Variants in ABCC9 observed in about 807,000 individuals in gnomAD.
The protein encoded by ABCC9 is ATP binding cassette subfamily C member 9, also known as ATP-binding cassette sub-family C member 9.
A neutral mutation model predicts 188.3 loss-of-function variants in ABCC9; 95 were observed. That is an observed-to-expected ratio of 0.50 (90% CI 0.43 to 0.60). The LOEUF is 0.60. Ranked by LOEUF, ABCC9 falls within the 20% of genes least tolerant of loss-of-function variation. The pLI, the probability that ABCC9 is intolerant of heterozygous loss-of-function variation, is 0.00. For missense variants in ABCC9, 1,102 were observed against 1,876.3 expected (o/e 0.59, Z 7.62); for synonymous variants, 659 against 652.7 (o/e 1.01, Z -0.15).
In ABCC9 at chr12:21,797,763, A is replaced by G. The variant is rs879795845; in HGVS notation, c.*3281T>C. On this transcript the variant is annotated 3_prime_UTR_variant, in exon 40 of 40. Coordinates refer to ENST00000261200, the MANE Select transcript of ABCC9 (RefSeq NM_020297.4). ...GTAAGAGTACAAAAATAGATGGTGC[A>G]TAATTGTTTATACAAAGTCTTTTCC... 2 of 152,224 alleles carry G rather than the reference A, an allele frequency of 1.3e-5. No individual in the cohort carries two copies. The highest frequency in any genetic ancestry group is 2.9e-5 in the Non-Finnish European group (2 of 68,038). The allele number at this position is 152,224 out of a possible 1,614,324, so 9.4% of individuals were successfully genotyped here. A position where few individuals can be genotyped will look rare whatever the true frequency, so the allele number is the denominator to read the frequency against.
At chr12:21,892,786 C>T (rs1333002824) in intron 14 of ABCC9, among the ~76,000 whole-genome samples, 1 of 152,122 alleles carries the variant, frequency 6.6e-6, no homozygotes, top group East Asian at 1.9e-4. Flanking sequence ...AAACTATTGG[C>T]TTAAAACTGA....
At chr12:21,923,674 T>A (rs149496042) in intron 5 of ABCC9, 3 of 584,730 alleles carry the variant, frequency 5.1e-6, no homozygotes, top group Non-Finnish European at 9.1e-6. Flanking sequence ...TGTTAGTGAG[T>A]ATAAAAAATG....
chr12:21,937,381 G>A (rs945503780), intron 2 of ABCC9, among the ~76,000 whole-genome samples: 4 of 152,148 alleles, frequency 2.6e-5, no homozygotes, highest in Non-Finnish European at 5.9e-5. Flanking sequence ...TCTTTTAACT[G>A]GAAATTGGTA....
chr12:21,866,849 G>A (rs570247592), intron 18 of ABCC9, among the ~76,000 whole-genome samples: 3 of 152,156 alleles, frequency 2.0e-5, no homozygotes, highest in Non-Finnish European at 4.4e-5. Context: ...GGTTAAGTGT[G>A]GGTGGACTAG....
intron 32 of ABCC9, 127 bp downstream of exon 32, chr12:21,818,023 C>CCCAA: frequency 1.4e-6 from 1 of 718,808 alleles, no homozygotes; most frequent in South Asian, 1.4e-5. Flanking sequence ...CCCCACCCCC[C>CCCAA]AATAGGCCCT....
At chr12:21,862,328 T>C (rs1000540498) in intron 20 of ABCC9, among the ~76,000 whole-genome samples, 2 of 152,154 alleles carry the variant, frequency 1.3e-5, no homozygotes, top group Non-Finnish European at 2.9e-5. Flanking sequence ...TCTTTCTGTC[T>C]GGTTTGCTCC....
At position 21,807,339 on chromosome 12, in the gene ABCC9, C is replaced by A; in HGVS notation, c.4449+7G>T. On this transcript the variant is annotated splice_region_variant and intron_variant, in intron 38 of 39. Transcript: ENST00000261200. ...GTCAATTTTAAAAGCTTAGATAATG[C>A]ACTCACTGTGGCCATGTCAATGGAA... The A allele has an allele frequency of 6.2e-7, 1 of 1,613,802 alleles. No homozygotes were observed.
intron 3 of ABCC9, 32 bp from the exon 4 acceptor site, chr12:21,933,955 G>A (rs769394463): frequency 6.2e-7 from 1 of 1,612,516 alleles, no homozygotes; most frequent in Non-Finnish European, 8.5e-7. Context: ...AAAACAAAAA[G>A]ACATAAACCG....
At chr12:21,824,001 T>C (rs829074) in intron 31 of ABCC9, among the ~76,000 whole-genome samples, 39,572 of 152,104 alleles carry the variant, frequency 0.26, 5,544 homozygotes, top group Middle Eastern at 0.35. Flanking sequence ...ATGAATATGA[T>C]ATGAATATGG....
intron 31 of ABCC9, among the ~76,000 whole-genome samples, chr12:21,821,550 G>C (rs1476645293): frequency 6.6e-6 from 1 of 151,484 alleles, no homozygotes; most frequent in African/African-American, 2.4e-5. Flanking sequence ...AAAATCACTG[G>C]GTCTAAATAA....
chr12:21,895,758 T>C (rs1161919021), intron 12 of ABCC9, among the ~76,000 whole-genome samples: 1 of 152,204 alleles, frequency 6.6e-6, no homozygotes, highest in Non-Finnish European at 1.5e-5. Flanking sequence ...TCCAGCAGTG[T>C]TATTAATATT....
chr12:21,805,384 T>G (rs542488003), intron 39 of ABCC9: 1 of 1,470,028 alleles, frequency 6.8e-7, no homozygotes, highest in Admixed American at 1.8e-5. Context: ...AAAAATAGTT[T>G]TTATTAAGCA....
chr12:21,921,776 G>T (rs1444377605), intron 5 of ABCC9, among the ~76,000 whole-genome samples: 1 of 151,850 alleles, frequency 6.6e-6, no homozygotes, highest in Non-Finnish European at 1.5e-5. Context: ...GTCTAGTTTT[G>T]TTCTTCTGCA....
intron 33 of ABCC9, among the ~76,000 whole-genome samples, chr12:21,816,882 C>T (rs539911874): frequency 2.2e-4 from 34 of 152,212 alleles, no homozygotes; most frequent in South Asian, 2.1e-3. Context: ...AAGTTAATAA[C>T]GTCTTGAGAA....
At chr12:21,904,475 A>T (rs1321186371) in intron 12 of ABCC9, among the ~76,000 whole-genome samples, 1 of 152,200 alleles carries the variant, frequency 6.6e-6, no homozygotes. Flanking sequence ...AGAAACTACC[A>T]TCAAAGCAAA....
chr12:21,888,004 A>C, intron 14 of ABCC9, 70 bp from the exon 15 acceptor site: 2 of 1,113,802 alleles, frequency 1.8e-6, no homozygotes, highest in Non-Finnish European at 2.8e-6. Context: ...CTACCTAAAT[A>C]ACGACTTTAA....
intron 15 of ABCC9, among the ~76,000 whole-genome samples, chr12:21,883,590 G>A (rs1231596126): frequency 6.6e-6 from 1 of 152,140 alleles, no homozygotes; most frequent in East Asian, 1.9e-4. Context: ...TATCAGGCTT[G>A]TAAACATTCC....
chr12:21,905,189 CAT>C (rs2137829446), intron 12 of ABCC9, among the ~76,000 whole-genome samples: 1 of 152,282 alleles, frequency 6.6e-6, no homozygotes, highest in African/African-American at 2.4e-5. Context: ...CCAAACACCA[CAT>C]GTTCTCACTC....
intron 16 of ABCC9, among the ~76,000 whole-genome samples, chr12:21,879,929 G>A (rs577548882): frequency 7.2e-5 from 11 of 151,798 alleles, no homozygotes; most frequent in African/African-American, 2.7e-4. Flanking sequence ...TCATTACAGC[G>A]GAGTACTGAA....
Sources: gnomAD v4.1 joint callset for allele counts (sites outside exome capture counted in the v4.1 genomes callset) on GRCh38, gnomAD v4.1.1 for gene constraint, MANE v1.5 for transcripts, NCBI Gene and HGNC (gene_info 2026-07-23, HGNC 2026-07-21) for gene names.